CCDC102B: variants seen among roughly 807,000 people sequenced by gnomAD.
CCDC102B encodes the protein coiled-coil domain-containing protein 102B.
CCDC102B carries 75 observed loss-of-function variants against 57.4 expected under a neutral mutation model. That is an observed-to-expected ratio of 1.31 (90% confidence interval 1.08 to 1.58). The LOEUF (loss-of-function observed/expected upper bound fraction) is 1.58, where lower values mean the gene tolerates loss of function less well. Among genes scored for constraint, CCDC102B ranks in the 40% most tolerant of loss-of-function variants. The pLI, the probability that CCDC102B is intolerant of heterozygous loss-of-function variation, is 0.00. For synonymous variants in CCDC102B, 206 were observed against 201.9 expected (o/e 1.02, Z -0.17); for missense variants, 636 against 582.6 (o/e 1.09, Z -0.94).
intron 2 of CCDC102B, among the ~76,000 whole-genome samples, chr18:68,759,780 TG>T (rs2034193536): frequency 6.6e-6 from 1 of 152,122 alleles, no homozygotes; most frequent in African/African-American, 2.4e-5. Flanking sequence ...AAGTCTCGGA[TG>T]GCAGCTGGAT....
intron 4 of CCDC102B, among the ~76,000 whole-genome samples, chr18:68,853,375 C>G (rs2038220601): frequency 9.9e-5 from 15 of 150,858 alleles, no homozygotes; most frequent in Admixed American, 9.9e-4. Flanking sequence ...ATTTCATTGT[C>G]AAAAAATGAT....
intron 6 of CCDC102B, among the ~76,000 whole-genome samples, chr18:68,976,295 C>T (rs2050436794): frequency 6.6e-6 from 1 of 151,846 alleles, no homozygotes; most frequent in Non-Finnish European, 1.5e-5. Context: ...AACTGGTTAT[C>T]TTAAAACAGC....
chr18:68,970,132 T>G (rs1307007309), intron 6 of CCDC102B, among the ~76,000 whole-genome samples: 1 of 152,048 alleles, frequency 6.6e-6, no homozygotes, highest in Non-Finnish European at 1.5e-5. Flanking sequence ...GTGATAAATA[T>G]TTAGCAACTA....
At chr18:68,848,300 G>T (rs1324546087) in intron 4 of CCDC102B, among the ~76,000 whole-genome samples, 1 of 151,846 alleles carries the variant, frequency 6.6e-6, no homozygotes, top group Non-Finnish European at 1.5e-5. Flanking sequence ...CAACAATTCT[G>T]ATAATGACCT....
Position 69,054,575 on chromosome 18 carries a change from G to A in CCDC102B, c.*438G>A. The A allele has an allele frequency of 1.0e-6, 1 of 986,770 alleles. No homozygotes were observed. Among genetic ancestry groups the A allele is most frequent in the Non-Finnish European group, 1.2e-6 (1 of 831,054 alleles). 61.1% of individuals were successfully genotyped at this position (986,770 alleles called of 1,614,324 possible). A position where few individuals can be genotyped will look rare whatever the true frequency, so the allele number is the denominator to read the frequency against. On this transcript the variant is annotated 3_prime_UTR_variant, in exon 8 of 8. Transcript: ENST00000360242. ...TATGTACGTGTTGTCTATGTGGTGG[G>A]GATGGCAGGTTGTATTAACAAAAAT...
chr18:68,769,020 G>A (rs994219651), intron 2 of CCDC102B, among the ~76,000 whole-genome samples: 7 of 152,154 alleles, frequency 4.6e-5, no homozygotes, highest in Middle Eastern at 3.4e-3. Flanking sequence ...TTGGGAGGCC[G>A]AGGCAGGTGG....
intron 6 of CCDC102B, among the ~76,000 whole-genome samples, chr18:68,998,124 T>A (rs922595037): frequency 5.3e-5 from 8 of 152,094 alleles, no homozygotes; most frequent in Non-Finnish European, 1.0e-4. Flanking sequence ...GCTCCTGACC[T>A]CCATGTCAGT....
At chr18:68,833,673 A>C (rs1280325089) in intron 1 of CCDC102B, among the ~76,000 whole-genome samples, 4 of 152,178 alleles carry the variant, frequency 2.6e-5, no homozygotes, top group Non-Finnish European at 5.9e-5. Context: ...TCGTCTAAAA[A>C]GTGGCAGAGT....
intron 6 of CCDC102B, among the ~76,000 whole-genome samples, chr18:68,999,135 T>G (rs2051130864): frequency 6.6e-6 from 1 of 151,670 alleles, no homozygotes; most frequent in South Asian, 2.1e-4. Context: ...GAAGTTTTCC[T>G]GGAGTCATGT....
chr18:68,780,348 G>A (rs2034965679), intron 2 of CCDC102B, among the ~76,000 whole-genome samples: 1 of 151,896 alleles, frequency 6.6e-6, no homozygotes, highest in Non-Finnish European at 1.5e-5. Context: ...GAATGTAGGT[G>A]TTTATTTCAG....
intron 2 of CCDC102B, among the ~76,000 whole-genome samples, chr18:68,718,408 A>G (rs974924428): frequency 1.3e-5 from 2 of 152,236 alleles, no homozygotes; most frequent in Non-Finnish European, 2.9e-5. Context: ...AGAAGAAGCC[A>G]GAAACTAAAG....
intron 1 of CCDC102B, among the ~76,000 whole-genome samples, chr18:68,818,572 C>T (rs562467038): frequency 1.1e-4 from 16 of 152,232 alleles, no homozygotes; most frequent in African/African-American, 3.6e-4. Context: ...AAACACTATT[C>T]TGAGTTGTCG....
intron 6 of CCDC102B, among the ~76,000 whole-genome samples, chr18:68,930,302 A>T (rs2041624247): frequency 6.7e-6 from 1 of 149,928 alleles, no homozygotes; most frequent in Admixed American, 6.7e-5. Context: ...ACATACATAT[A>T]CTACGTATTA....
At chr18:68,750,022 A>T (rs9709952) in intron 2 of CCDC102B, among the ~76,000 whole-genome samples, 69,055 of 151,964 alleles carry the variant, frequency 0.45, 16,131 homozygotes, top group Non-Finnish European at 0.5. Flanking sequence ...AAATTTTGCA[A>T]TCTACTCATC....
intron 4 of CCDC102B, among the ~76,000 whole-genome samples, chr18:68,861,270 G>C (rs547785081): frequency 6.8e-6 from 1 of 146,796 alleles, no homozygotes; most frequent in South Asian, 2.3e-4. Context: ...TTTATCACTT[G>C]TGCTTTTTTT....
At chr18:68,919,515 T>A (rs1390197690) in intron 6 of CCDC102B, among the ~76,000 whole-genome samples, 1 of 152,210 alleles carries the variant, frequency 6.6e-6, no homozygotes, top group African/African-American at 2.4e-5. Flanking sequence ...AATTTTGGTG[T>A]CTAGAAAAAG....
At position 69,008,549 on chromosome 18, in the gene CCDC102B, A is replaced by C. The variant is rs559612178; in HGVS notation, c.1264-2385A>C. 5.9e-5 allele frequency among the ~76,000 whole-genome samples: 9 copies of C among 152,316 alleles called. No individual in the cohort carries two copies. The East Asian group carries it at 1.5e-3, about 26-fold the overall frequency. On this transcript the variant is annotated intron_variant, in intron 6 of 7. Coordinates refer to ENST00000360242, the MANE Select transcript of CCDC102B (RefSeq NM_024781.3). ...GACAGAAACTAAAAATGTCCCCTTCATTTGACGCTCATGTCTTCAGTGGAT... is the reference window on the plus strand; with the variant it reads ...GACAGAAACTAAAAATGTCCCCTTCCTTTGACGCTCATGTCTTCAGTGGAT...
rs759333398 is a variant in CCDC102B at position 68,964,155 on chromosome 18, A to AATTTT, written c.1264-46768_1264-46764dup. On this transcript the variant is annotated intron_variant, in intron 6 of 7. Transcript: ENST00000360242. ...AGTCAGATATTTAAGGTTTCTTTACAATTTTATTTTATTTTGTGCTTTCTA... is the reference window on the plus strand; with the variant it reads ...AGTCAGATATTTAAGGTTTCTTTACAATTTTATTTTATTTTATTTTGTGCTTTCTA... Among the ~76,000 whole-genome samples the AATTTT allele has an allele frequency of 4.6e-5, 7 of 151,982 alleles. No individual in the cohort carries two copies. In the East Asian group the frequency reaches 1.3e-3, roughly 29 times the overall value.
At chr18:68,867,250 G>T (rs143660056) in intron 4 of CCDC102B, among the ~76,000 whole-genome samples, 3 of 152,106 alleles carry the variant, frequency 2.0e-5, no homozygotes, top group African/African-American at 7.2e-5. Flanking sequence ...TCGGCCTCCC[G>T]AAGTGCTGGG....
Sources: allele counts gnomAD v4.1 joint callset (sites outside exome capture counted in the v4.1 genomes callset), GRCh38; gene constraint gnomAD v4.1.1; transcripts MANE v1.5; gene names NCBI Gene and HGNC (gene_info 2026-07-23, HGNC 2026-07-21).